APP: variants seen among roughly 807,000 people sequenced by gnomAD.
APP encodes amyloid beta precursor protein, also known as amyloid-beta precursor protein.
APP carries 31 observed loss-of-function variants against 101.4 expected under a neutral mutation model. The observed-to-expected ratio is 0.31, with a 90% CI of 0.23 to 0.41. The LOEUF is 0.41. APP is among the 10% of genes least tolerant of loss of function. The probability of loss-of-function intolerance (pLI) is 1.00; values close to 1 mark genes in which losing one functional copy is unlikely to be tolerated. For synonymous variants in APP, 366 were observed against 364.4 expected, an observed-to-expected ratio of 1.00 and a Z score of -0.05; for missense variants, 839 against 1,003.7, an observed-to-expected ratio of 0.84 and a Z score of 2.22.
At position 26,148,287 on chromosome 21, in the gene APP, C is replaced by T. The variant is rs45561735; in HGVS notation, c.57+22277G>A. Among the ~76,000 whole-genome samples the T allele has an allele frequency of 2.7e-3, 407 of 152,332 alleles. 3 individuals carry two copies. Among genetic ancestry groups the T allele is most frequent in the Middle Eastern group, 0.01 (3 of 294 alleles). ...ATTTTGCAGCTACCTCCAGCTGGTC[C>T]AAGCAGCCAAGGCTGTCACCAGTGC... is the stretch of plus-strand genomic sequence containing the variant. On this transcript the variant is annotated intron_variant, in intron 1 of 17. Coordinates refer to ENST00000346798, the MANE Select transcript of APP (RefSeq NM_000484.4).
At chr21:25,989,137 G>C (rs1389273090) in intron 8 of APP, among the ~76,000 whole-genome samples, 1 of 152,170 alleles carries the variant, frequency 6.6e-6, no homozygotes, top group Non-Finnish European at 1.5e-5. Context: ...TTTCCTCTGA[G>C]AAAACTGTTA....
chr21:25,897,797 A>C, intron 15 of APP, 124 bp from the exon 16 acceptor site: 1 of 767,014 alleles, frequency 1.3e-6, no homozygotes, highest in Non-Finnish European at 2.3e-6. Flanking sequence ...AAAATTGATA[A>C]ATGACTCTTA....
intron 17 of APP, among the ~76,000 whole-genome samples, chr21:25,884,913 AG>A (rs2037227414): frequency 2.0e-5 from 3 of 152,234 alleles, no homozygotes; most frequent in South Asian, 4.1e-4. Context: ...CAAACTCCAA[AG>A]CCTAACGCTT....
chr21:25,955,335 A>G (rs1440135166), intron 12 of APP, among the ~76,000 whole-genome samples: 2 of 152,192 alleles, frequency 1.3e-5, no homozygotes, highest in African/African-American at 4.8e-5. Context: ...TCAAGATTTT[A>G]GTTTATACAA....
intron 16 of APP, among the ~76,000 whole-genome samples, chr21:25,892,760 T>C (rs950111370): frequency 6.6e-6 from 1 of 152,222 alleles, no homozygotes; most frequent in Non-Finnish European, 1.5e-5. Context: ...AGTCATTATT[T>C]TTCAACTTTA....
At chr21:26,040,430 C>T (rs1180109311) in intron 5 of APP, among the ~76,000 whole-genome samples, 1 of 151,910 alleles carries the variant, frequency 6.6e-6, no homozygotes, top group Non-Finnish European at 1.5e-5. Flanking sequence ...GGTGAAACCT[C>T]GTCTCTACTA....
At chr21:26,045,709 C>A (rs990221255) in intron 5 of APP, among the ~76,000 whole-genome samples, 8 of 152,198 alleles carry the variant, frequency 5.3e-5, no homozygotes, top group African/African-American at 1.9e-4. Flanking sequence ...CCATATGTGA[C>A]ACTCCAGCAA....
intron 3 of APP, among the ~76,000 whole-genome samples, chr21:26,073,577 G>T (rs1236236908): frequency 3.9e-5 from 6 of 152,192 alleles, no homozygotes; most frequent in Non-Finnish European, 5.9e-5. Context: ...ACAGAGCGAG[G>T]GTGGAAGTTA....
At chr21:26,113,930 C>T (rs2062381089) in intron 1 of APP, among the ~76,000 whole-genome samples, 1 of 152,118 alleles carries the variant, frequency 6.6e-6, no homozygotes, top group African/African-American at 2.4e-5. Flanking sequence ...GTGGATAAGG[C>T]CCTACATCAG....
intron 8 of APP, among the ~76,000 whole-genome samples, chr21:25,989,924 A>T (rs200773282): frequency 0.32 from 47,473 of 148,666 alleles, 8,542 homozygotes; most frequent in African/African-American, 0.5. Flanking sequence ...AGTGTCTCTA[A>T]AAAAAAAAAA....
intron 1 of APP, among the ~76,000 whole-genome samples, chr21:26,130,894 C>A (rs1302577609): frequency 6.6e-6 from 1 of 152,154 alleles, no homozygotes; most frequent in Non-Finnish European, 1.5e-5. Context: ...AGAATAAATT[C>A]TATTATCTTC....
chr21:26,148,473 G>C (rs1169984481), intron 1 of APP, among the ~76,000 whole-genome samples: 1 of 152,150 alleles, frequency 6.6e-6, no homozygotes, highest in Non-Finnish European at 1.5e-5. Flanking sequence ...CAAAACCCAA[G>C]GAAATGAGGC....
chr21:25,890,989 C>T (rs1472618402), intron 17 of APP, among the ~76,000 whole-genome samples: 3 of 152,216 alleles, frequency 2.0e-5, no homozygotes, highest in Non-Finnish European at 4.4e-5. Flanking sequence ...AAGACAGTTT[C>T]CTAAAAAGTT....
At chr21:25,917,800 C>G (rs960727074) in intron 13 of APP, among the ~76,000 whole-genome samples, 4 of 150,898 alleles carry the variant, frequency 2.7e-5, no homozygotes, top group Non-Finnish European at 5.9e-5. Context: ...CCAGAATCTA[C>G]AAGGAACTTA....
At chr21:25,949,998 G>GC (rs1425502609) in intron 13 of APP, among the ~76,000 whole-genome samples, 7 of 152,298 alleles carry the variant, frequency 4.6e-5, no homozygotes, top group Middle Eastern at 3.4e-3. Context: ...ATCTTCACTA[G>GC]CCCATATGCT....
chr21:26,160,653 G>A (rs1306080868), intron 1 of APP, among the ~76,000 whole-genome samples: 3 of 151,788 alleles, frequency 2.0e-5, no homozygotes, highest in African/African-American at 7.3e-5. Context: ...GCTGTAAAAT[G>A]GCCAAAAAAG....
At chr21:25,956,062 C>A (rs1417723572) in intron 11 of APP, among the ~76,000 whole-genome samples, 3 of 152,204 alleles carry the variant, frequency 2.0e-5, no homozygotes, top group Non-Finnish European at 4.4e-5. Flanking sequence ...GATTTGAGGT[C>A]TGTCAGGTTA....
At chr21:25,963,363 T>G (rs954406125) in intron 11 of APP, among the ~76,000 whole-genome samples, 1 of 152,174 alleles carries the variant, frequency 6.6e-6, no homozygotes, top group African/African-American at 2.4e-5. Flanking sequence ...GATCTAGAAA[T>G]CTGGCATCTT....
chr21:26,051,726 G>T (rs1241516315), intron 4 of APP, among the ~76,000 whole-genome samples: 1 of 152,204 alleles, frequency 6.6e-6, no homozygotes, highest in Non-Finnish European at 1.5e-5. Context: ...AGAACTTACA[G>T]TCATTAGAGA....
Sources: allele counts gnomAD v4.1 joint callset (sites outside exome capture counted in the v4.1 genomes callset), GRCh38; gene constraint gnomAD v4.1.1; transcripts MANE v1.5; gene names NCBI Gene and HGNC (gene_info 2026-07-23, HGNC 2026-07-21).